ITPR2: variants seen among roughly 807,000 people sequenced by gnomAD.
The protein encoded by ITPR2 is inositol 1,4,5-trisphosphate receptor type 2, also known as inositol 1,4,5-trisphosphate-gated calcium channel ITPR2.
Under a neutral mutation model 317.1 loss-of-function variants are expected in ITPR2, and 207 were observed. That is an observed-to-expected ratio of 0.65 (90% CI 0.58 to 0.73). The LOEUF (loss-of-function observed/expected upper bound fraction) is 0.73, where lower values mean the gene tolerates loss of function less well. ITPR2 is among the 30% of genes least tolerant of loss of function. The pLI is 0.00. For synonymous variants in ITPR2, 1,156 were observed against 1,149.1 expected (o/e 1.01, Z -0.12); for missense variants, 2,613 against 3,284.0 (o/e 0.80, Z 4.99).
At chr12:26,672,268 C>T (rs1947795114) in intron 13 of ITPR2, among the ~76,000 whole-genome samples, 1 of 151,306 alleles carries the variant, frequency 6.6e-6, no homozygotes, top group South Asian at 2.1e-4. Flanking sequence ...CACCACACCA[C>T]ACCTATTCCA....
At chr12:26,416,356 A>G (rs1332509944) in intron 50 of ITPR2, among the ~76,000 whole-genome samples, 1 of 152,202 alleles carries the variant, frequency 6.6e-6, no homozygotes, top group African/African-American at 2.4e-5. Flanking sequence ...GTTAAATGCA[A>G]TAAAATCACA....
In ITPR2 at chr12:26,726,530, T is replaced by A. The variant is rs139538001; in HGVS notation, c.164-765A>T. ...ATAAAGGTAAATTCTCAGTATTCTA[T>A]CATAAAAGAGTAGTAATACAGAAAA... On this transcript the variant is annotated intron_variant, in intron 2 of 56. Transcript: ENST00000381340. Among the ~76,000 whole-genome samples the A allele has an allele frequency of 2.6e-5, 4 of 152,308 alleles. No homozygotes were observed. The East Asian group carries it at 7.7e-4, about 29-fold the overall frequency.
intron 55 of ITPR2, among the ~76,000 whole-genome samples, chr12:26,359,007 T>C (rs1378558300): frequency 2.0e-5 from 3 of 152,254 alleles, no homozygotes; most frequent in Admixed American, 1.3e-4. Flanking sequence ...CCCTTTCTGC[T>C]CCTTCAACTT....
intron 45 of ITPR2, among the ~76,000 whole-genome samples, chr12:26,468,543 T>A (rs1345839105): frequency 1.4e-5 from 1 of 72,690 alleles, no homozygotes; most frequent in African/African-American, 3.7e-5. Context: ...TGCTATATTC[T>A]AGGCACTGAA....
intron 49 of ITPR2, among the ~76,000 whole-genome samples, 182 bp downstream of exon 49, chr12:26,427,731 T>C (rs534256340): frequency 2.0e-5 from 3 of 152,266 alleles, no homozygotes; most frequent in South Asian, 4.1e-4. Context: ...CTTTTACCTA[T>C]CATTTTTTCT....
Position 26,785,345 on chromosome 12 carries a change from G to T in ITPR2, c.163+4812C>A, listed in dbSNP as rs866308405. The stretch of plus-strand genomic sequence containing the variant: ...CCCGGCCAGCCGCCCCGTCCGGGAG[G>T]TGAGGGGCGCCTCTGCCCGGCCGCC... On this transcript the variant is annotated intron_variant, in intron 2 of 56. Transcript: ENST00000381340. 2.2e-3 allele frequency among the ~76,000 whole-genome samples: 97 copies of T among 43,120 alleles called. 1 individual carries two copies. The highest frequency in any genetic ancestry group is 4.5e-3 in the Non-Finnish European group (66 of 14,770). The allele number at this position is 43,120 out of a possible 152,430, so 28.3% of individuals were successfully genotyped here.
chr12:26,695,156 G>A (rs190068381), intron 10 of ITPR2, among the ~76,000 whole-genome samples: 95 of 152,188 alleles, frequency 6.2e-4, no homozygotes, highest in Admixed American at 2.7e-3. Context: ...TCTAGATTAC[G>A]CCAAAATATC....
intron 37 of ITPR2, among the ~76,000 whole-genome samples, chr12:26,518,189 T>TA (rs1943576564): frequency 3.9e-5 from 6 of 152,212 alleles, no homozygotes; most frequent in Admixed American, 3.3e-4. Context: ...TACACAGCCC[T>TA]AAAAAAGAAT....
intron 41 of ITPR2, among the ~76,000 whole-genome samples, chr12:26,484,454 A>C (rs1461273169): frequency 6.6e-6 from 1 of 152,152 alleles, no homozygotes; most frequent in African/African-American, 2.4e-5. Flanking sequence ...CTTCTAAAAA[A>C]GTTTTTCTAG....
At chr12:26,815,066 C>T (rs547476775) in intron 1 of ITPR2, among the ~76,000 whole-genome samples, 2 of 152,318 alleles carry the variant, frequency 1.3e-5, no homozygotes, top group African/African-American at 4.8e-5. Flanking sequence ...ACTCTAAGCA[C>T]AGTAGCTCAT....
intron 2 of ITPR2, among the ~76,000 whole-genome samples, chr12:26,762,780 A>G (rs1221564584): frequency 6.6e-6 from 1 of 152,166 alleles, no homozygotes; most frequent in East Asian, 1.9e-4. Context: ...ATGGATATAC[A>G]ATATATAAAT....
intron 9 of ITPR2, among the ~76,000 whole-genome samples, chr12:26,700,617 A>AGAGTGGTG (rs1282677385): frequency 1.5e-4 from 23 of 152,274 alleles, no homozygotes; most frequent in Non-Finnish European, 2.5e-4. Flanking sequence ...TCCTGCCTCC[A>AGAGTGGTG]TAAAGCAGAG....
intron 40 of ITPR2, among the ~76,000 whole-genome samples, chr12:26,486,586 C>T (rs1350393796): frequency 6.6e-6 from 1 of 152,058 alleles, no homozygotes; most frequent in East Asian, 1.9e-4. Context: ...GCACTCATGT[C>T]TTTCTGATAT....
chr12:26,414,383 A>G (rs1213870825), intron 51 of ITPR2, among the ~76,000 whole-genome samples: 4 of 152,200 alleles, frequency 2.6e-5, no homozygotes, highest in Non-Finnish European at 5.9e-5. Context: ...AAGACAGAAT[A>G]CCATTTGCAA....
chr12:26,668,138 C>T (rs1947669336), intron 13 of ITPR2, among the ~76,000 whole-genome samples: 1 of 152,206 alleles, frequency 6.6e-6, no homozygotes, highest in South Asian at 2.1e-4. Flanking sequence ...CTAGCTCACG[C>T]ATTTGCTTTT....
At chr12:26,437,660 T>C (rs1941387015) in intron 47 of ITPR2, among the ~76,000 whole-genome samples, 1 of 118,240 alleles carries the variant, frequency 8.5e-6, no homozygotes, top group Admixed American at 7.4e-5. Flanking sequence ...AAAATGTACA[T>C]TGAAAATTAT....
At chr12:26,506,669 G>C (rs1591838625) in intron 37 of ITPR2, among the ~76,000 whole-genome samples, 1 of 152,008 alleles carries the variant, frequency 6.6e-6, no homozygotes, top group East Asian at 1.9e-4. Flanking sequence ...AAGATTAGAA[G>C]GTAAAATACT....
chr12:26,414,281 G>C (rs1304116134), intron 51 of ITPR2, among the ~76,000 whole-genome samples: 2 of 152,054 alleles, frequency 1.3e-5, no homozygotes, highest in African/African-American at 4.8e-5. Flanking sequence ...TCTGTGCTTT[G>C]ATGACTGAGA....
intron 5 of ITPR2, among the ~76,000 whole-genome samples, chr12:26,718,144 T>A (rs1435963195): frequency 6.6e-6 from 1 of 152,188 alleles, no homozygotes; most frequent in Admixed American, 6.5e-5. Context: ...TACATAGGTA[T>A]ACATGTGCCC....
Sources: allele counts gnomAD v4.1 joint callset (sites outside exome capture counted in the v4.1 genomes callset), GRCh38; gene constraint gnomAD v4.1.1; transcripts MANE v1.5; gene names NCBI Gene and HGNC (gene_info 2026-07-23, HGNC 2026-07-21).